Variants in SRI observed in about 807,000 individuals in gnomAD.
SRI encodes the protein sorcin, also known as 22 kDa protein.
SRI carries 30 observed loss-of-function variants against 33.3 expected under a neutral mutation model. The ratio of observed to expected loss-of-function variants is 0.90; its 90% CI spans 0.67 to 1.22. The LOEUF (loss-of-function observed/expected upper bound fraction) is 1.22, where lower values mean the gene tolerates loss of function less well. Ranked by LOEUF, SRI falls within the 50% of genes most tolerant of loss-of-function variation. The pLI, the probability that SRI is intolerant of heterozygous loss-of-function variation, is 0.00. For missense variants in SRI, 243 were observed against 250.8 expected (o/e 0.97, Z 0.21); for synonymous variants, 75 against 89.9 (o/e 0.83, Z 0.94).
At chr7:88,215,186 G>T (rs1851677199) in intron 3 of SRI, among the ~76,000 whole-genome samples, 2 of 152,180 alleles carry the variant, frequency 1.3e-5, no homozygotes, top group Non-Finnish European at 2.9e-5. Context: ...TCATAGGCAG[G>T]ATGGTTCTGT....
chr7:88,206,923 T>G (rs1851450035), intron 7 of SRI, among the ~76,000 whole-genome samples: 1 of 152,186 alleles, frequency 6.6e-6, no homozygotes, highest in Admixed American at 6.5e-5. Context: ...ATGGAACACC[T>G]TAAACAGTTT....
intron 3 of SRI, chr7:88,214,783 G>A: frequency 1.0e-6 from 1 of 953,640 alleles, no homozygotes; most frequent in Non-Finnish European, 1.3e-6. Context: ...AAGAATCTCT[G>A]CTGTAATTTA....
chr7:88,209,910 C>A (rs1218630210), intron 5 of SRI, 73 bp downstream of exon 5: 1 of 1,602,416 alleles, frequency 6.2e-7, no homozygotes, highest in African/African-American at 1.3e-5. Context: ...GCCACTGCAC[C>A]CAGCCTGGTT....
At chr7:88,218,776 G>A in intron 2 of SRI, 83 bp downstream of exon 2, 1 of 1,349,000 alleles carries the variant, frequency 7.4e-7, no homozygotes, top group Non-Finnish European at 1.1e-6. Flanking sequence ...ACCACAGGAA[G>A]TTCGCTTTTC....
chr7:88,226,634 A>G (rs1321700496), intron 1 of SRI, among the ~76,000 whole-genome samples: 5 of 152,234 alleles, frequency 3.3e-5, no homozygotes, highest in African/African-American at 7.2e-5. Context: ...AAGCATATAT[A>G]TAAGTCAGCT....
At chr7:88,219,100 CT>C in intron 1 of SRI, 158 bp from the exon 2 acceptor site, 3 of 678,916 alleles carry the variant, frequency 4.4e-6, no homozygotes, top group Non-Finnish European at 8.0e-6. Flanking sequence ...CACTCCACCC[CT>C]CTCTTCCATT....
upstream of SRI, among the ~76,000 whole-genome samples, chr7:88,221,868 G>A (rs1397353114): frequency 7.3e-6 from 1 of 136,192 alleles, no homozygotes; most frequent in African/African-American, 2.8e-5. Flanking sequence ...TCCCTAGAGT[G>A]TGATATTCCC....
intron 7 of SRI, chr7:88,207,755 G>C (rs905293079): frequency 1.3e-5 from 2 of 152,242 alleles, no homozygotes; most frequent in African/African-American, 4.8e-5. Context: ...CACTTTGGGA[G>C]GCCTAAGCGG....
upstream of SRI, among the ~76,000 whole-genome samples, chr7:88,224,705 A>G (rs1281632893): frequency 6.6e-6 from 1 of 152,138 alleles, no homozygotes; most frequent in Non-Finnish European, 1.5e-5. Context: ...TAATCATGCT[A>G]TTATGTAATT....
At chr7:88,220,129 GC>G, upstream of SRI, 1 of 1,359,866 alleles carries the variant, frequency 7.4e-7, no homozygotes, top group South Asian at 1.8e-5. Context: ...AGCGCACCAC[GC>G]GGGCGTGGGG....
upstream of SRI, among the ~76,000 whole-genome samples, chr7:88,220,414 A>G (rs1371776478): frequency 6.6e-6 from 1 of 151,888 alleles, no homozygotes; most frequent in African/African-American, 2.4e-5. Context: ...CTTATTTTAA[A>G]CAACTTTATT....
At chr7:88,220,228 C>T (rs1851857743), upstream of SRI, 2 of 1,310,552 alleles carry the variant, frequency 1.5e-6, no homozygotes, top group East Asian at 3.2e-5. Flanking sequence ...TTTGCCATTA[C>T]GGCGCTAATG....
chr7:88,220,150 C>A, upstream of SRI: 2 of 1,341,738 alleles, frequency 1.5e-6, no homozygotes, highest in Non-Finnish European at 1.9e-6. Context: ...GGACGCGCTC[C>A]GCAGTCGTCT....
upstream of SRI, among the ~76,000 whole-genome samples, chr7:88,221,231 A>G (rs1438599734): frequency 6.6e-6 from 1 of 152,136 alleles, no homozygotes; most frequent in Non-Finnish European, 1.5e-5. Context: ...TTCGTGGGCT[A>G]TTGTCCTCAT....
intron 1 of SRI, among the ~76,000 whole-genome samples, chr7:88,226,270 A>G (rs1851992360): frequency 6.6e-6 from 1 of 152,152 alleles, no homozygotes; most frequent in Admixed American, 6.5e-5. Context: ...TAAAGCCTTC[A>G]TTGTTCTCCT....
At position 88,216,080 on chromosome 7, in the gene SRI, TA is replaced by T. The variant is rs578192939; in HGVS notation, c.205+1041del. On this transcript the variant is annotated intron_variant, in intron 3 of 7. Transcript: ENST00000265729. ...GCAACCTCCGCCTCCTGGGCTTGTA[TA>T]ATCCTCCCACCTCAGCCTCCTGAGT... Among the ~76,000 whole-genome samples the T allele has an allele frequency of 1.6e-3, 239 of 152,262 alleles. 2 individuals carry two copies. The highest frequency in any genetic ancestry group is 4.7e-3 in the African/African-American group (196 of 41,560).
chr7:88,207,314 C>A (rs1851457612), intron 7 of SRI, among the ~76,000 whole-genome samples: 1 of 152,180 alleles, frequency 6.6e-6, no homozygotes, highest in Admixed American at 6.5e-5. Flanking sequence ...GGACTGTCAA[C>A]TAAGAAGTTA....
At chr7:88,210,253 T>C in intron 4 of SRI, 123 bp from the exon 5 acceptor site, 2 of 1,183,362 alleles carry the variant, frequency 1.7e-6, no homozygotes, top group South Asian at 1.2e-5. Context: ...TTATTCTTGG[T>C]ATGATGTAAA....
intron 6 of SRI, chr7:88,209,039 A>C (rs2115743288): frequency 3.6e-6 from 1 of 276,036 alleles, no homozygotes; most frequent in African/African-American, 2.2e-5. Context: ...AATATTTCAC[A>C]TTCTGGGGAA....
Sources: allele counts gnomAD v4.1 joint callset (sites outside exome capture counted in the v4.1 genomes callset), GRCh38; gene constraint gnomAD v4.1.1; transcripts MANE v1.5; gene names NCBI Gene and HGNC (gene_info 2026-07-23, HGNC 2026-07-21).